ZNF548: variants seen among roughly 807,000 people sequenced by gnomAD.
The protein encoded by ZNF548 is zinc finger protein 548.
ZNF548 carries 10 observed loss-of-function variants against 10.2 expected under a neutral mutation model. The ratio of observed to expected loss-of-function variants is 0.98; its 90% CI spans 0.60 to 1.66. The LOEUF (loss-of-function observed/expected upper bound fraction) is 1.66. Among genes scored for constraint, ZNF548 ranks in the 40% most tolerant of loss-of-function variants. The probability of loss-of-function intolerance (pLI) is 0.00; values close to 1 mark genes in which losing one functional copy is unlikely to be tolerated. For synonymous variants in ZNF548, 217 were observed against 223.5 expected, an observed-to-expected ratio of 0.97 and a Z score of 0.26; for missense variants, 599 against 657.0, an observed-to-expected ratio of 0.91 and a Z score of 0.97.
intron 2 of ZNF548, among the ~76,000 whole-genome samples, chr19:57,396,587 C>A (rs2088666477): frequency 6.6e-6 from 1 of 152,162 alleles, no homozygotes; most frequent in Non-Finnish European, 1.5e-5. Flanking sequence ...TGGGGACAGG[C>A]CAATGACTGA....
chr19:57,391,222 T>G (rs2123036199), intron 1 of ZNF548, among the ~76,000 whole-genome samples: 1 of 152,286 alleles, frequency 6.6e-6, no homozygotes, highest in Non-Finnish European at 1.5e-5. Flanking sequence ...GTATTTGACT[T>G]TCTGTTTCTG....
intron 1 of ZNF548, among the ~76,000 whole-genome samples, chr19:57,393,871 G>A (rs2088646157): frequency 6.6e-6 from 1 of 152,046 alleles, no homozygotes; most frequent in South Asian, 2.1e-4. Context: ...CATTTGCATT[G>A]AACTCATGTA....
rs570487687 is a variant in ZNF548, at chr19:57,401,717, G to A, written c.*1828G>A. ...GCTTTATTCTAAGAATTTTATATTT[G>A]AAGGTCTTACATTTAGGTCTTTTTT... On this transcript the variant is annotated 3_prime_UTR_variant, in exon 4 of 4. Transcript: ENST00000336128. The A allele has an allele frequency of 2.0e-5, 3 of 151,110 alleles. No homozygotes were observed. The highest frequency in any genetic ancestry group is 1.9e-4 in the East Asian group (1 of 5,158). 9.4% of individuals were successfully genotyped at this position (151,110 alleles called of 1,614,324 possible). A position where few individuals can be genotyped will look rare whatever the true frequency, so the allele number is the denominator to read the frequency against.
intron 1 of ZNF548, chr19:57,390,977 A>C (rs971483987): frequency 6.6e-6 from 1 of 152,180 alleles, no homozygotes; most frequent in Non-Finnish European, 1.5e-5. Flanking sequence ...TTGTTTGCAT[A>C]AATTTAAGGA....
chr19:57,398,874 A>C lies in ZNF548; in HGVS notation c.623A>C (p.Asp208Ala). Residue 208 changes from aspartate to alanine, a missense_variant, in exon 4 of 4, where the codon GAT (aspartate) becomes GCT (alanine). Asp to Ala is a moderately radical substitution (Grantham distance 126). Coordinates refer to ENST00000336128, the MANE Select transcript of ZNF548 (RefSeq NM_001172773.2). ...GAAGCCTTTCAGACTGGACAAAATG[A>C]TTACAAATGTAGTGAATGTGGGAAA... ...DREAFQTGQNDYKCSECGKTF... is the reference protein window; with the variant it reads ...DREAFQTGQNAYKCSECGKTF... 1 of 1,614,038 alleles carries C rather than the reference A, an allele frequency of 6.2e-7. No homozygotes were observed. The highest frequency in any genetic ancestry group is 1.3e-5 in the African/African-American group (1 of 75,038).
intron 2 of ZNF548, 121 bp downstream of exon 2, chr19:57,394,344 T>C: frequency 9.8e-7 from 1 of 1,015,280 alleles, no homozygotes; most frequent in South Asian, 1.5e-5. Context: ...TTTCACCAGT[T>C]AGTTTCAGTA....
At chr19:57,393,840 A>G (rs1009986815) in intron 1 of ZNF548, among the ~76,000 whole-genome samples, 1 of 152,112 alleles carries the variant, frequency 6.6e-6, no homozygotes, top group African/African-American at 2.4e-5. Flanking sequence ...CATACATGAA[A>G]ATTTCAAAAC....
rs753729920 is a variant in ZNF548 at position 57,399,771 on chromosome 19, A to G, written c.1520A>G (p.His507Arg). Residue 507 changes from histidine (H) to arginine (R), a missense_variant, in exon 4 of 4, where the codon CAC (histidine) becomes CGC (arginine). Coordinates refer to ENST00000336128, the MANE Select transcript of ZNF548 (RefSeq NM_001172773.2). This position sits in a 1 kb window ranked among gnomAD's most constrained non-coding sequence, Gnocchi z 4.0. ...ATTAGAAAGTCTCACCTGGTTCATC[A>G]CCAGAAAATCCACAGTGAAGAGAGG... ...AFIRKSHLVH[H>R]QKIHSEERLV... 1.2e-6 allele frequency: 2 copies of G among 1,614,140 alleles called. No homozygotes were observed. The highest frequency in any genetic ancestry group is 4.5e-5 in the East Asian group (2 of 44,880).
rs2123048930 is a variant in ZNF548 at position 57,400,915 on chromosome 19, G to A, written c.*1026G>A. 6.6e-6 allele frequency: 1 copy of A among 152,184 alleles called. No homozygotes were observed. Among genetic ancestry groups the A allele is most frequent in the South Asian group, 2.1e-4 (1 of 4,808 alleles). 9.4% of individuals were successfully genotyped at this position (152,184 alleles called of 1,614,324 possible). ...TGTTTTGGATAGCAGCTATCTTGTT[G>A]GATGTGAGGTGGAATCTATAGTGTC... On this transcript the variant is annotated 3_prime_UTR_variant, in exon 4 of 4. Transcript: ENST00000336128.
intron 2 of ZNF548, 103 bp downstream of exon 2, chr19:57,394,326 G>A (rs993736522): frequency 7.2e-6 from 9 of 1,253,370 alleles, no homozygotes; most frequent in South Asian, 1.4e-5. Context: ...TGTCTGAAGG[G>A]TGAGTGGTTT....
At chr19:57,394,264 C>T in intron 2 of ZNF548, 41 bp downstream of exon 2, 1 of 1,589,794 alleles carries the variant, frequency 6.3e-7, no homozygotes, top group Non-Finnish European at 8.5e-7. Flanking sequence ...CCCTGGTTAT[C>T]TCCCAGATGG....
In ZNF548 at chr19:57,397,192, G is replaced by T. The variant is rs777006073; in HGVS notation, c.178+18G>T. 16 of 1,583,542 alleles carry T rather than the reference G, an allele frequency of 1.0e-5. No homozygotes were observed. Among genetic ancestry groups the T allele is most frequent in the Non-Finnish European group, 1.4e-5 (16 of 1,164,130 alleles). ...CTCACTAGGTAAGGCCCTCACACTT[G>T]CCCAGTGTCCTGGGTTAGGCTGTGT... is the stretch of plus-strand genomic sequence containing the variant. On this transcript the variant is annotated intron_variant, in intron 3 of 3. Coordinates refer to ENST00000336128, the MANE Select transcript of ZNF548 (RefSeq NM_001172773.2).
intron 3 of ZNF548, among the ~76,000 whole-genome samples, chr19:57,398,053 A>G (rs1003561078): frequency 1.3e-5 from 2 of 152,154 alleles, no homozygotes; most frequent in Non-Finnish European, 2.9e-5. Context: ...TGAGGTCTGC[A>G]TGTATCCCTG....
At chr19:57,393,458 C>T (rs2088641078) in intron 1 of ZNF548, among the ~76,000 whole-genome samples, 1 of 151,050 alleles carries the variant, frequency 6.6e-6, no homozygotes, top group Non-Finnish European at 1.5e-5. Context: ...GTCGGGAGTT[C>T]GAGACCAGCC....
At position 57,398,720 on chromosome 19, in the gene ZNF548, A is replaced by G. The variant is rs760816086; in HGVS notation, c.469A>G (p.Arg157Gly). ...DWIPSFGKNH[R>G]VHMAEEIFTC... ...GATACCTTCATTTGGGAAGAACCAC[A>G]GAGTTCACATGGCAGAGGAGATCTT... The change falls in exon 4 of 4, where the codon AGA (arginine) becomes GGA (glycine). Residue 157 changes from arginine to glycine, a missense_variant. Coordinates refer to ENST00000336128, the MANE Select transcript of ZNF548 (RefSeq NM_001172773.2). 8.1e-6 allele frequency: 13 copies of G among 1,614,080 alleles called. No individual in the cohort carries two copies. Among genetic ancestry groups the G allele is most frequent in the Non-Finnish European group, 9.3e-6 (11 of 1,179,928 alleles).
chr19:57,396,217 C>A (rs1399992273), intron 2 of ZNF548, among the ~76,000 whole-genome samples: 1 of 152,092 alleles, frequency 6.6e-6, no homozygotes, highest in Admixed American at 6.5e-5. Context: ...AGGCCCTGGC[C>A]CTGGTAGCTC....
chr19:57,397,299 A>G (rs2088673864), intron 3 of ZNF548, 125 bp downstream of exon 3: 2 of 1,380,474 alleles, frequency 1.4e-6, no homozygotes, highest in Non-Finnish European at 1.9e-6. Flanking sequence ...TTCTTGGCAT[A>G]TATGCTGTGG....
At chr19:57,392,827 G>A (rs1418274953) in intron 1 of ZNF548, 1 of 985,334 alleles carries the variant, frequency 1.0e-6, no homozygotes, top group East Asian at 1.1e-4. Flanking sequence ...GAGAACAGGG[G>A]GCTGAGACTT....
In ZNF548 at chr19:57,395,150, G is replaced by T. The variant is rs1460036190; in HGVS notation, c.51+927G>T. 6.6e-6 allele frequency among the ~76,000 whole-genome samples: 1 copy of T among 151,970 alleles called. No homozygotes were observed. The highest frequency in any genetic ancestry group is 1.5e-5 in the Non-Finnish European group (1 of 68,012). ...TTCGAAGACAGAGAATTGGAATGGG[G>T]CATGAGAACTGGGTCTCTTACTGGG... On this transcript the variant is annotated intron_variant, in intron 2 of 3. Coordinates refer to ENST00000336128, the MANE Select transcript of ZNF548 (RefSeq NM_001172773.2). This position sits in a 1 kb window ranked among gnomAD's most constrained non-coding sequence, Gnocchi z 4.8.
Sources: gnomAD v4.1 joint callset for allele counts (sites outside exome capture counted in the v4.1 genomes callset) on GRCh38, gnomAD v4.1.1 for gene constraint, Gnocchi (gnomAD v3.1) non-coding constraint, MANE v1.5 for transcripts, NCBI Gene and HGNC (gene_info 2026-07-23, HGNC 2026-07-21) for gene names.